RDH11: variants seen among roughly 807,000 people sequenced by gnomAD.
The protein encoded by RDH11 is retinol dehydrogenase 11.
A neutral mutation model predicts 33.4 loss-of-function variants in RDH11; 19 were observed. That is an observed-to-expected ratio of 0.57 (90% confidence interval 0.40 to 0.83). The LOEUF is 0.83. Among genes scored for constraint, RDH11 ranks in the 40% least tolerant of loss-of-function variants. The pLI, the probability that RDH11 is intolerant of heterozygous loss-of-function variation, is 0.00. For missense variants in RDH11, 353 were observed against 389.0 expected (o/e 0.91, Z 0.78); for synonymous variants, 154 against 155.3 (o/e 0.99, Z 0.06).
intron 5 of RDH11, among the ~76,000 whole-genome samples, chr14:67,685,423 T>C (rs1157736745): frequency 6.6e-6 from 1 of 152,182 alleles, no homozygotes; most frequent in Non-Finnish European, 1.5e-5. Flanking sequence ...TATTTCTGAC[T>C]GGAAACTCAA....
At chr14:67,685,804 C>A (rs917522632) in intron 5 of RDH11, among the ~76,000 whole-genome samples, 1 of 151,782 alleles carries the variant, frequency 6.6e-6, no homozygotes, top group African/African-American at 2.4e-5. Context: ...TTAGTGGAGA[C>A]GGGATTTCAT....
chr14:67,693,603 A>G (rs2140085346), intron 1 of RDH11, among the ~76,000 whole-genome samples: 1 of 151,394 alleles, frequency 6.6e-6, no homozygotes, highest in South Asian at 2.1e-4. Context: ...CTGGGATTCA[A>G]GTCTTGCTTT....
intron 1 of RDH11, 47 bp from the exon 2 acceptor site, chr14:67,693,099 C>G: frequency 2.2e-6 from 3 of 1,346,002 alleles, no homozygotes; most frequent in Non-Finnish European, 3.2e-6. Context: ...TCTACTGTCT[C>G]AGCCAGTAGG....
chr14:67,688,893 CT>C (rs2037714098), intron 5 of RDH11, among the ~76,000 whole-genome samples: 2 of 150,152 alleles, frequency 1.3e-5, no homozygotes, highest in African/African-American at 5.0e-5. Flanking sequence ...AATTCATCCC[CT>C]GTCCCCTAAC....
rs1283193663 is a variant in RDH11, at chr14:67,692,532, G to T, written c.255C>A (p.Ile85=). The T allele has an allele frequency of 6.2e-7, 1 of 1,612,110 alleles. No individual in the cohort carries two copies. The highest frequency in any genetic ancestry group is 2.2e-5 in the East Asian group (1 of 44,862). Residue 85 remains isoleucine, a synonymous_variant, in exon 3 of 7, where the codon ATC becomes ATA. Coordinates refer to ENST00000381346, the MANE Select transcript of RDH11 (RefSeq NM_016026.4). ...CCTGCTGGTTCCCTGTCGTGGTCTGGATCTCTTTGGCCACCAATTCCCCCT... is the reference window on the plus strand; with the variant it reads ...CCTGCTGGTTCCCTGTCGTGGTCTGTATCTCTTTGGCCACCAATTCCCCCT... ...VEKGELVAKE[I]QTTTGNQQVL... is the part of the protein sequence containing the mutation.
At chr14:67,688,871 A>G (rs755517018) in intron 5 of RDH11, among the ~76,000 whole-genome samples, 1 of 152,138 alleles carries the variant, frequency 6.6e-6, no homozygotes, top group Non-Finnish European at 1.5e-5. Context: ...GACTATACCT[A>G]TCTTGTTCAC....
chr14:67,689,272 ATAGGGCACCTGTGCCTGATT>A (rs2037719190), intron 5 of RDH11, among the ~76,000 whole-genome samples: 1 of 152,212 alleles, frequency 6.6e-6, no homozygotes, highest in Non-Finnish European at 1.5e-5. Flanking sequence ...TATTCCAACT[ATAGGGCACCTGTGCCTGATT>A]CCTTGAGCCT....
intron 4 of RDH11, chr14:67,690,839 TA>T: frequency 4.9e-6 from 2 of 405,672 alleles, no homozygotes; most frequent in Non-Finnish European, 8.9e-6. Flanking sequence ...GCAGATGACC[TA>T]TACCTGATGC....
chr14:67,681,503 C>A (rs1245502079), intron 6 of RDH11, among the ~76,000 whole-genome samples: 1 of 152,156 alleles, frequency 6.6e-6, no homozygotes, highest in Non-Finnish European at 1.5e-5. Context: ...TAGTTCAAGG[C>A]CGGGTGTGGT....
In RDH11 at chr14:67,692,541, G is replaced by T; in HGVS notation, c.246C>A (p.Ala82=). ...TCCCTGTCGTGGTCTGGATCTCTTT[G>T]GCCACCAATTCCCCCTTTTCCACAT... ...CRDVEKGELV[A]KEIQTTTGNQ... Residue 82 remains alanine (A), a synonymous_variant, in exon 3 of 7, where the codon GCC becomes GCA. Transcript: ENST00000381346. 6.2e-7 allele frequency: 1 copy of T among 1,611,038 alleles called. No individual in the cohort carries two copies. Among genetic ancestry groups the T allele is most frequent in the Non-Finnish European group, 8.5e-7 (1 of 1,178,924 alleles).
rs773113460 is a variant in RDH11, at chr14:67,691,228, G to A, written c.366C>T (p.His122=). The A allele has an allele frequency of 1.5e-5, 24 of 1,613,548 alleles. No individual in the cohort carries two copies. The highest frequency in any genetic ancestry group is 1.6e-4 in the Middle Eastern group (1 of 6,082). Residue 122 remains histidine, a synonymous_variant, in exon 4 of 7, where the codon CAC becomes CAT. Coordinates refer to ENST00000381346, the MANE Select transcript of RDH11 (RefSeq NM_016026.4). Reference sequence around the variant, plus strand: ...TCACTCCTGCATTGTTGATCAAAACGTGGAGGTGCTTTTCCTCTGCAGGGA... The same window carrying A: ...TCACTCCTGCATTGTTGATCAAAACATGGAGGTGCTTTTCCTCTGCAGGGA... ...KGFLAEEKHL[H]VLINNAGVMM...
At chr14:67,689,900 GCAC>G (rs1455267304) in intron 5 of RDH11, among the ~76,000 whole-genome samples, 1 of 151,804 alleles carries the variant, frequency 6.6e-6, no homozygotes, top group Non-Finnish European at 1.5e-5. Context: ...AGCCGAGATT[GCAC>G]CATTGCACTC....
intron 1 of RDH11, 29 bp from the exon 2 acceptor site, chr14:67,693,081 T>C: frequency 6.6e-7 from 1 of 1,507,806 alleles, no homozygotes; most frequent in Non-Finnish European, 9.2e-7. Context: ...AGCTCATCAA[T>C]TCTTCATTCT....
intron 5 of RDH11, among the ~76,000 whole-genome samples, chr14:67,685,749 G>A (rs1475881996): frequency 6.6e-6 from 1 of 151,920 alleles, no homozygotes; most frequent in African/African-American, 2.4e-5. Context: ...CCAAGTAGCT[G>A]GGACTACAGG....
chr14:67,680,910 G>C (rs2037607639), intron 6 of RDH11, among the ~76,000 whole-genome samples: 1 of 152,154 alleles, frequency 6.6e-6, no homozygotes, highest in Non-Finnish European at 1.5e-5. Flanking sequence ...TGTGATACTG[G>C]CATAAGGACA....
chr14:67,678,185 A>G lies in RDH11; in HGVS notation c.*136T>C, dbSNP rs554987920. ...TGGCAGTACACTGAGTTTTAACTGGACACCAAGCAGGCAAGGCTGGAAGGT... is the reference window on the plus strand; with the variant it reads ...TGGCAGTACACTGAGTTTTAACTGGGCACCAAGCAGGCAAGGCTGGAAGGT... On this transcript the variant is annotated 3_prime_UTR_variant, in exon 7 of 7. Transcript: ENST00000381346. 2.4e-5 allele frequency: 15 copies of G among 619,308 alleles called. No individual in the cohort carries two copies. In the East Asian group the frequency reaches 4.1e-4, roughly 17 times the overall value. The allele number at this position is 619,308 out of a possible 1,614,324, so 38.4% of individuals were successfully genotyped here.
At chr14:67,678,935 GA>G (rs1322151699) in intron 6 of RDH11, among the ~76,000 whole-genome samples, 2 of 152,164 alleles carry the variant, frequency 1.3e-5, no homozygotes, top group African/African-American at 4.8e-5. Flanking sequence ...ACAACAAAAG[GA>G]AAAGGCGACA....
Position 67,690,353 on chromosome 14 carries a change from C to T in RDH11, c.523G>A (p.Val175Met), listed in dbSNP as rs747812505. ...KESAPSRIVN[V>M]SSLAHHLGRI... ...CCCAGGTGATGTGCGAGGGAAGACA[C>T]ATTTACTATCCTTGATGGGGCTGAT... is the stretch of plus-strand genomic sequence containing the variant. Residue 175 changes from valine (V) to methionine (M), a missense_variant, in exon 5 of 7, where the codon GTG (valine) becomes ATG (methionine). By Grantham distance (21) the Val-to-Met change is conservative. Coordinates refer to ENST00000381346, the MANE Select transcript of RDH11 (RefSeq NM_016026.4). The T allele has an allele frequency of 6.2e-7, 1 of 1,614,162 alleles. No individual in the cohort carries two copies. The highest frequency in any genetic ancestry group is 2.2e-5 in the East Asian group (1 of 44,880).
rs534264833 is a variant in RDH11 at position 67,687,672 on chromosome 14, T to C, written c.665-2468A>G. Among the ~76,000 whole-genome samples the C allele has an allele frequency of 8.0e-4, 122 of 152,072 alleles. 2 individuals carry two copies. The highest frequency in any genetic ancestry group is 1.2e-4 in the Non-Finnish European group (8 of 67,998). On this transcript the variant is annotated intron_variant, in intron 5 of 6. Coordinates refer to ENST00000381346, the MANE Select transcript of RDH11 (RefSeq NM_016026.4). ...TTTTAGTAGAGATGGGGTTTCTCCA[T>C]GTTGGTCAGGCTGGTCTTGAACTCC...
Sources: allele counts gnomAD v4.1 joint callset (sites outside exome capture counted in the v4.1 genomes callset), GRCh38; gene constraint gnomAD v4.1.1; transcripts MANE v1.5; gene names NCBI Gene and HGNC (gene_info 2026-07-23, HGNC 2026-07-21).